ARHGAP26: variants seen among roughly 807,000 people sequenced by gnomAD.
The protein encoded by ARHGAP26 is rho GTPase-activating protein 26.
Under a neutral mutation model 104.8 loss-of-function variants are expected in ARHGAP26, and 38 were observed. That is an observed-to-expected ratio of 0.36 (90% CI 0.28 to 0.48). The LOEUF is 0.48. Among genes scored for constraint, ARHGAP26 ranks in the 20% least tolerant of loss-of-function variants. The pLI, the probability that ARHGAP26 is intolerant of heterozygous loss-of-function variation, is 0.99. For missense variants in ARHGAP26, 704 were observed against 947.9 expected, an observed-to-expected ratio of 0.74 and a Z score of 3.38; for synonymous variants, 341 against 340.0, an observed-to-expected ratio of 1.00 and a Z score of -0.03.
intron 15 of ARHGAP26, among the ~76,000 whole-genome samples, chr5:143,054,746 A>G (rs57078655): frequency 6.6e-6 from 1 of 152,226 alleles, no homozygotes; most frequent in Non-Finnish European, 1.5e-5. Context: ...TGATTTAGGA[A>G]ACTTTGTTCT....
At chr5:142,958,547 A>G (rs1052553671) in intron 11 of ARHGAP26, among the ~76,000 whole-genome samples, 6 of 152,162 alleles carry the variant, frequency 3.9e-5, no homozygotes, top group South Asian at 2.1e-4. Context: ...ATGTGCCTGT[A>G]GTGCTAGCTA....
chr5:143,141,861 G>A (rs1798577099), intron 19 of ARHGAP26, among the ~76,000 whole-genome samples: 1 of 152,138 alleles, frequency 6.6e-6, no homozygotes, highest in Admixed American at 6.5e-5. Flanking sequence ...GTGTTTTAGG[G>A]CCAGTCTTCC....
At chr5:142,926,534 AC>A (rs1763924717) in intron 10 of ARHGAP26, among the ~76,000 whole-genome samples, 2 of 152,092 alleles carry the variant, frequency 1.3e-5, no homozygotes, top group African/African-American at 2.4e-5. Flanking sequence ...TTTGCCAAAG[AC>A]CCCTTCTCTG....
intron 20 of ARHGAP26, among the ~76,000 whole-genome samples, chr5:143,161,230 T>C (rs962231592): frequency 3.9e-5 from 6 of 152,010 alleles, no homozygotes; most frequent in Middle Eastern, 3.2e-3. Flanking sequence ...CAGACTGGTT[T>C]CAAACTCCTG....
At chr5:142,822,700 C>T (rs1174430930) in intron 1 of ARHGAP26, among the ~76,000 whole-genome samples, 1 of 152,030 alleles carries the variant, frequency 6.6e-6, no homozygotes, top group Non-Finnish European at 1.5e-5. Flanking sequence ...AATTAAAGTC[C>T]ATTCTAAATT....
chr5:143,081,275 GA>G (rs991581406), intron 17 of ARHGAP26, among the ~76,000 whole-genome samples: 1 of 152,182 alleles, frequency 6.6e-6, no homozygotes, highest in Non-Finnish European at 1.5e-5. Flanking sequence ...TTAGAAGTGG[GA>G]AGAGGAGGGT....
chr5:142,830,259 A>G (rs777043736), intron 1 of ARHGAP26, among the ~76,000 whole-genome samples: 3 of 152,220 alleles, frequency 2.0e-5, no homozygotes, highest in Non-Finnish European at 2.9e-5. Context: ...GAACAGTTCT[A>G]ATAAAATAGC....
chr5:142,843,142 C>A (rs1467157209), intron 1 of ARHGAP26, among the ~76,000 whole-genome samples: 1 of 152,086 alleles, frequency 6.6e-6, no homozygotes, highest in Non-Finnish European at 1.5e-5. Flanking sequence ...TGTTCCCTAC[C>A]CCCTGTAATC....
At chr5:143,166,346 CT>C (rs1370373260) in intron 20 of ARHGAP26, among the ~76,000 whole-genome samples, 1 of 152,134 alleles carries the variant, frequency 6.6e-6, no homozygotes, top group Non-Finnish European at 1.5e-5. Flanking sequence ...CTGCTTAGGG[CT>C]TTGGGGTCCA....
intron 20 of ARHGAP26, among the ~76,000 whole-genome samples, chr5:143,189,008 A>T (rs1023566443): frequency 2.0e-5 from 3 of 152,192 alleles, no homozygotes; most frequent in Non-Finnish European, 4.4e-5. Flanking sequence ...GTGCACAGAG[A>T]CTTCATTGAA....
chr5:142,840,710 C>G (rs1052637136), intron 1 of ARHGAP26, among the ~76,000 whole-genome samples: 3 of 152,146 alleles, frequency 2.0e-5, no homozygotes, highest in African/African-American at 4.8e-5. Context: ...AGCCTCTTCT[C>G]TGAGGTCCTG....
At position 143,213,656 on chromosome 5, in the gene ARHGAP26, CCCTT is replaced by C. The variant is rs564658659; in HGVS notation, c.2100-338_2100-335del. On this transcript the variant is annotated intron_variant, in intron 21 of 22. Coordinates refer to ENST00000645722, the MANE Select transcript of ARHGAP26 (RefSeq NM_001135608.3). ...ACTTCTTTCCTGCCCCTGCTTCCCT[CCCTT>C]CCCCCAAGGCACTCCTGCTCCAAAA... Among the ~76,000 whole-genome samples the C allele has an allele frequency of 1.7e-3, 262 of 152,346 alleles. 1 individual carries two copies. The highest frequency in any genetic ancestry group is 6.0e-3 in the African/African-American group (250 of 41,586).
chr5:143,206,614 G>T (rs1016623372), intron 20 of ARHGAP26, among the ~76,000 whole-genome samples: 10 of 152,162 alleles, frequency 6.6e-5, no homozygotes, highest in African/African-American at 2.4e-4. Flanking sequence ...GTAATTGCAT[G>T]CCGTCTCCCA....
intron 18 of ARHGAP26, among the ~76,000 whole-genome samples, chr5:143,133,360 T>G (rs978366172): frequency 2.0e-5 from 3 of 152,166 alleles, no homozygotes; most frequent in African/African-American, 4.8e-5. Flanking sequence ...TGTGGGTGTG[T>G]GTGTGTTACT....
chr5:143,147,182 G>C (rs1799266171), intron 19 of ARHGAP26, 49 bp from the exon 20 acceptor site: 1 of 1,592,874 alleles, frequency 6.3e-7, no homozygotes. Context: ...GCAATAGACT[G>C]TCCCTATGCA....
At chr5:143,062,455 AC>A (rs1786852082) in intron 17 of ARHGAP26, among the ~76,000 whole-genome samples, 1 of 151,858 alleles carries the variant, frequency 6.6e-6, no homozygotes, top group Non-Finnish European at 1.5e-5. Flanking sequence ...TACAAGTGAG[AC>A]CTTATCAAAA....
chr5:142,937,458 T>A (rs945488805), intron 11 of ARHGAP26, among the ~76,000 whole-genome samples: 2 of 152,196 alleles, frequency 1.3e-5, no homozygotes, highest in African/African-American at 4.8e-5. Flanking sequence ...GAATGTAAAA[T>A]GAAACAGCCA....
intron 20 of ARHGAP26, among the ~76,000 whole-genome samples, chr5:143,152,945 A>G (rs534686701): frequency 1.0e-3 from 152 of 152,304 alleles, no homozygotes; most frequent in African/African-American, 3.5e-3. Context: ...TCACATTGTG[A>G]TTATTGGAAC....
chr5:142,876,776 C>CAAAAA (rs34843524), intron 3 of ARHGAP26, among the ~76,000 whole-genome samples: 1 of 48,462 alleles, frequency 2.1e-5, no homozygotes, highest in Admixed American at 2.6e-4. Flanking sequence ...GACCCTGTGT[C>CAAAAA]AAAAAAAAAA....
Sources: allele counts gnomAD v4.1 joint callset (sites outside exome capture counted in the v4.1 genomes callset), GRCh38; gene constraint gnomAD v4.1.1; transcripts MANE v1.5; gene names NCBI Gene and HGNC (gene_info 2026-07-23, HGNC 2026-07-21).